The following FRMD5 variants were observed in gnomAD, a reference collection of about 807,000 sequenced individuals.
FRMD5 encodes the protein FERM domain containing 5.
Under a neutral mutation model 69.0 loss-of-function variants are expected in FRMD5, and 20 were observed. The observed-to-expected ratio is 0.29, with a 90% CI of 0.20 to 0.42. The LOEUF is 0.42. Ranked by LOEUF, FRMD5 falls within the 10% of genes least tolerant of loss-of-function variation. FRMD5 has a pLI of 1.00. For synonymous variants in FRMD5, 271 were observed against 260.1 expected, an observed-to-expected ratio of 1.04 and a Z score of -0.40; for missense variants, 595 against 708.6, an observed-to-expected ratio of 0.84 and a Z score of 1.82.
chr15:43,958,424 T>C (rs1350089059), intron 1 of FRMD5, among the ~76,000 whole-genome samples: 1 of 151,082 alleles, frequency 6.6e-6, no homozygotes, highest in Non-Finnish European at 1.5e-5. Context: ...AATTTTTGTT[T>C]TTTTGTTTTT....
chr15:44,141,105 T>C (rs1327816898), intron 1 of FRMD5, among the ~76,000 whole-genome samples: 1 of 151,884 alleles, frequency 6.6e-6, no homozygotes, highest in African/African-American at 2.4e-5. Flanking sequence ...TGTAAAACTG[T>C]CAGATGAAAG....
At chr15:44,138,884 A>G (rs2077224424) in intron 1 of FRMD5, among the ~76,000 whole-genome samples, 1 of 152,224 alleles carries the variant, frequency 6.6e-6, no homozygotes, top group South Asian at 2.1e-4. Flanking sequence ...TAAAATGTTC[A>G]GAATAGACAA....
rs375984555 is a variant in FRMD5, at chr15:44,027,787, C to T, written c.103-103478G>A. ...AGCCTCCCGAGTAGCTGGGACTACA[C>T]GTGCGTGCCAACACAACCAGCTAAT... On this transcript the variant is annotated intron_variant, in intron 1 of 13. Coordinates refer to ENST00000417257, the MANE Select transcript of FRMD5 (RefSeq NM_032892.5). Among the ~76,000 whole-genome samples, 11 of 151,808 alleles carry T rather than the reference C, an allele frequency of 7.2e-5. No individual in the cohort carries two copies. In the East Asian group the frequency reaches 1.5e-3, roughly 21 times the overall value.
At chr15:43,942,525 T>C (rs2089879541) in intron 1 of FRMD5, among the ~76,000 whole-genome samples, 1 of 152,092 alleles carries the variant, frequency 6.6e-6, no homozygotes, top group South Asian at 2.1e-4. Context: ...ATAACCCTCT[T>C]CTCCCAAAAA....
At chr15:44,096,231 A>AC (rs2076550451) in intron 1 of FRMD5, among the ~76,000 whole-genome samples, 1 of 143,802 alleles carries the variant, frequency 7.0e-6, no homozygotes, top group African/African-American at 2.6e-5. Context: ...AAAAAAAAAG[A>AC]GTAAATTAAA....
chr15:43,930,515 C>T (rs1460554201), intron 1 of FRMD5, among the ~76,000 whole-genome samples: 10 of 152,234 alleles, frequency 6.6e-5, no homozygotes, highest in Admixed American at 6.5e-4. Flanking sequence ...AACCATGTGG[C>T]TCCTGGAGGA....
At chr15:44,098,244 A>C (rs376868377) in intron 1 of FRMD5, among the ~76,000 whole-genome samples, 4 of 152,124 alleles carry the variant, frequency 2.6e-5, no homozygotes, top group African/African-American at 9.6e-5. Flanking sequence ...AAGGGATACA[A>C]GGCCGGGTGC....
At chr15:43,993,354 G>C (rs760749819) in intron 1 of FRMD5, among the ~76,000 whole-genome samples, 1 of 151,992 alleles carries the variant, frequency 6.6e-6, no homozygotes, top group Non-Finnish European at 1.5e-5. Context: ...CACCATGCCC[G>C]GCTAATTTTT....
intron 1 of FRMD5, among the ~76,000 whole-genome samples, chr15:44,152,973 TC>T (rs1278233858): frequency 2.0e-5 from 3 of 151,892 alleles, no homozygotes; most frequent in Non-Finnish European, 4.4e-5. Flanking sequence ...ATGATCAACA[TC>T]ACTAATCACT....
chr15:43,998,905 A>C (rs984108519), intron 1 of FRMD5, among the ~76,000 whole-genome samples: 1 of 152,216 alleles, frequency 6.6e-6, no homozygotes, highest in Non-Finnish European at 1.5e-5. Context: ...CACTTTCTAG[A>C]ACACAGACAA....
chr15:44,169,015 C>A (rs563652790), intron 1 of FRMD5, among the ~76,000 whole-genome samples: 5 of 152,360 alleles, frequency 3.3e-5, no homozygotes, highest in South Asian at 2.1e-4. Flanking sequence ...TATTTATTCT[C>A]TCCTGTGTTC....
chr15:43,924,425 G>T (rs1445552859), intron 1 of FRMD5, 116 bp from the exon 2 acceptor site: 3 of 697,598 alleles, frequency 4.3e-6, no homozygotes, highest in East Asian at 5.3e-5. Flanking sequence ...TGAAAGGGGT[G>T]AATGTCCATA....
intron 1 of FRMD5, among the ~76,000 whole-genome samples, chr15:44,013,057 C>A (rs553046233): frequency 2.6e-5 from 4 of 152,052 alleles, no homozygotes; most frequent in Admixed American, 2.6e-4. Context: ...TGAGCCATTG[C>A]GCCCCGCCTA....
chr15:43,898,697 T>G lies in FRMD5; in HGVS notation c.639+3478A>C, dbSNP rs547204710. Among the ~76,000 whole-genome samples the G allele has an allele frequency of 3.3e-5, 5 of 152,330 alleles. No homozygotes were observed. In the South Asian group the frequency reaches 1.0e-3, roughly 32 times the overall value. ...TGCTGTCAGGGCCAGGGAACAGATATAGCAATGGACTGCCAGTGGTTTGCT... is the reference window on the plus strand; with the variant it reads ...TGCTGTCAGGGCCAGGGAACAGATAGAGCAATGGACTGCCAGTGGTTTGCT... On this transcript the variant is annotated intron_variant, in intron 7 of 13. Coordinates refer to ENST00000417257, the MANE Select transcript of FRMD5 (RefSeq NM_032892.5).
At chr15:44,115,052 A>C (rs1426563829) in intron 1 of FRMD5, among the ~76,000 whole-genome samples, 2 of 152,358 alleles carry the variant, frequency 1.3e-5, no homozygotes, top group East Asian at 3.9e-4. Context: ...TTTTTAAAAA[A>C]AACTGAGTAA....
intron 1 of FRMD5, chr15:43,990,325 G>C: frequency 3.9e-6 from 1 of 254,186 alleles, no homozygotes; most frequent in East Asian, 1.0e-4. Flanking sequence ...TTGCTTTTTT[G>C]TGATATTTGC....
chr15:43,878,860 A>G (rs925702924), intron 13 of FRMD5, among the ~76,000 whole-genome samples: 1 of 151,940 alleles, frequency 6.6e-6, no homozygotes, highest in African/African-American at 2.4e-5. Flanking sequence ...GAGCCACATC[A>G]TACTGGGAGC....
At chr15:44,150,300 T>C (rs529275998) in intron 1 of FRMD5, among the ~76,000 whole-genome samples, 43 of 152,162 alleles carry the variant, frequency 2.8e-4, no homozygotes, top group Middle Eastern at 3.4e-3. Context: ...TGGAAGTTCT[T>C]AGCAAAGAGA....
chr15:44,039,876 C>T (rs921433439), intron 1 of FRMD5, among the ~76,000 whole-genome samples: 19 of 151,982 alleles, frequency 1.3e-4, no homozygotes, highest in Non-Finnish European at 2.4e-4. Context: ...ACAAACTCCT[C>T]TGAACTAAAG....
Sources: allele counts gnomAD v4.1 joint callset (sites outside exome capture counted in the v4.1 genomes callset), GRCh38; gene constraint gnomAD v4.1.1; transcripts MANE v1.5; gene names NCBI Gene and HGNC (gene_info 2026-07-23, HGNC 2026-07-21).